The following PDE7B variants were observed in gnomAD, a reference collection of about 807,000 sequenced individuals.
The protein encoded by PDE7B is phosphodiesterase 7B.
A neutral mutation model predicts 56.2 loss-of-function variants in PDE7B; 29 were observed. The observed-to-expected ratio is 0.52, with a 90% CI of 0.38 to 0.70. The LOEUF is 0.70. Ranked by LOEUF, PDE7B falls within the 30% of genes least tolerant of loss-of-function variation. The probability of loss-of-function intolerance (pLI) is 0.00; values close to 1 mark genes in which losing one functional copy is unlikely to be tolerated. For missense variants in PDE7B, 490 were observed against 565.0 expected (o/e 0.87, Z 1.35); for synonymous variants, 197 against 196.9 (o/e 1.00, Z 0.00).
At chr6:136,033,797 C>A (rs1260866392) in intron 2 of PDE7B, among the ~76,000 whole-genome samples, 1 of 152,064 alleles carries the variant, frequency 6.6e-6, no homozygotes, top group Non-Finnish European at 1.5e-5. Flanking sequence ...TGTATAGAAC[C>A]AAGTTGAAAG....
intron 2 of PDE7B, among the ~76,000 whole-genome samples, chr6:135,952,874 G>C (rs1774725281): frequency 6.6e-6 from 1 of 152,088 alleles, no homozygotes; most frequent in South Asian, 2.1e-4. Context: ...GAGAGTTCTG[G>C]TCTCTTTTAT....
At chr6:136,108,125 CAA>C (rs60727586) in intron 2 of PDE7B, among the ~76,000 whole-genome samples, 6 of 108,650 alleles carry the variant, frequency 5.5e-5, no homozygotes, top group Non-Finnish European at 7.0e-5. Context: ...GACTCCATGT[CAA>C]AAAAAAAAAA....
chr6:136,148,400 GAAAGAAGGAAAGGAA>G (rs1309254658), intron 4 of PDE7B, among the ~76,000 whole-genome samples: 6 of 119,610 alleles, frequency 5.0e-5, no homozygotes, highest in South Asian at 6.0e-4. Flanking sequence ...GGAAAGGAAA[GAAAGAAGGAAAGGAA>G]AAAGAAGGAA....
intron 11 of PDE7B, among the ~76,000 whole-genome samples, chr6:136,184,295 A>T (rs1397755825): frequency 6.6e-6 from 1 of 152,342 alleles, no homozygotes; most frequent in South Asian, 2.1e-4. Flanking sequence ...TAAGTGAATG[A>T]ATAAATGATC....
At chr6:135,948,414 G>A (rs972801593) in intron 2 of PDE7B, among the ~76,000 whole-genome samples, 1 of 151,800 alleles carries the variant, frequency 6.6e-6, no homozygotes, top group Non-Finnish European at 1.5e-5. Flanking sequence ...ATTCATTTTA[G>A]CATTTTCTAT....
intron 3 of PDE7B, among the ~76,000 whole-genome samples, chr6:136,119,635 T>C (rs1777896053): frequency 6.6e-6 from 1 of 152,334 alleles, no homozygotes; most frequent in African/African-American, 2.4e-5. Context: ...TTATTCACAT[T>C]TGAACAGCAC....
chr6:136,156,519 C>A (rs897151417), intron 8 of PDE7B, among the ~76,000 whole-genome samples: 1 of 152,116 alleles, frequency 6.6e-6, no homozygotes, highest in Admixed American at 6.5e-5. Flanking sequence ...CGAGAAGGAT[C>A]TCTTTGATTA....
At chr6:135,969,774 C>T (rs1303092755) in intron 2 of PDE7B, among the ~76,000 whole-genome samples, 2 of 152,142 alleles carry the variant, frequency 1.3e-5, no homozygotes, top group Admixed American at 6.6e-5. Flanking sequence ...AATTAAAGAG[C>T]TTCTGCACAG....
At chr6:135,918,252 TATC>T (rs1773994858) in intron 1 of PDE7B, among the ~76,000 whole-genome samples, 2 of 152,174 alleles carry the variant, frequency 1.3e-5, no homozygotes, top group Admixed American at 1.3e-4. Context: ...GGAGGGCTCT[TATC>T]ATGGTATTCC....
At chr6:136,009,259 C>T (rs1703383934) in intron 2 of PDE7B, among the ~76,000 whole-genome samples, 1 of 151,814 alleles carries the variant, frequency 6.6e-6, no homozygotes, top group Non-Finnish European at 1.5e-5. Context: ...AGTTTGAAGT[C>T]AGGTAGCATG....
At chr6:136,108,142 AAG>A (rs1554280188) in intron 2 of PDE7B, among the ~76,000 whole-genome samples, 4 of 150,246 alleles carry the variant, frequency 2.7e-5, no homozygotes, top group African/African-American at 4.9e-5. Context: ...AAAAAAAAAA[AAG>A]AAAGAAATAT....
At chr6:136,030,313 C>G (rs4895462) in intron 2 of PDE7B, among the ~76,000 whole-genome samples, 13,799 of 152,272 alleles carry the variant, frequency 0.091, 1,070 homozygotes, top group African/African-American at 0.2. Context: ...GGTCTTCCAG[C>G]TGATTTCACA....
At chr6:136,151,084 C>G (rs1368887133) in intron 5 of PDE7B, 76 bp from the exon 6 acceptor site, 1 of 776,670 alleles carries the variant, frequency 1.3e-6, no homozygotes, top group African/African-American at 1.7e-5. Context: ...ATTACAGAGA[C>G]TTTAGGTCTT....
intron 1 of PDE7B, among the ~76,000 whole-genome samples, chr6:135,911,462 A>G (rs78410342): frequency 2.0e-5 from 3 of 152,194 alleles, no homozygotes; most frequent in Non-Finnish European, 4.4e-5. Context: ...CCATCTTTGA[A>G]CAAACTTTTA....
At chr6:135,856,425 C>T (rs1163497849) in intron 1 of PDE7B, among the ~76,000 whole-genome samples, 2 of 152,178 alleles carry the variant, frequency 1.3e-5, no homozygotes, top group East Asian at 1.9e-4. Context: ...AATATCTTCT[C>T]AATATTAATT....
intron 1 of PDE7B, among the ~76,000 whole-genome samples, chr6:135,922,815 G>C (rs569833520): frequency 6.6e-6 from 1 of 152,290 alleles, no homozygotes; most frequent in South Asian, 2.1e-4. Flanking sequence ...CCTATTAAGT[G>C]CTCAAGAAAA....
intron 2 of PDE7B, chr6:136,098,147 G>GAAAAAAAAA (rs1554279576): frequency 4.8e-4 from 30 of 62,936 alleles, no homozygotes; most frequent in African/African-American, 1.7e-3. Flanking sequence ...GGGGGGGGGG[G>GAAAAAAAAA]AAATATATGT....
At chr6:136,060,321 T>C (rs1321987040) in intron 2 of PDE7B, among the ~76,000 whole-genome samples, 1 of 152,200 alleles carries the variant, frequency 6.6e-6, no homozygotes, top group East Asian at 1.9e-4. Flanking sequence ...CTCCTTGTAC[T>C]TTCTCTTCCA....
chr6:136,134,632 T>C (rs1028059347), intron 3 of PDE7B, among the ~76,000 whole-genome samples: 1 of 142,698 alleles, frequency 7.0e-6, no homozygotes, highest in Non-Finnish European at 1.5e-5. Context: ...TTTAAAGCCT[T>C]TTTTCCCCTC....
Sources: gnomAD v4.1 joint callset for allele counts (sites outside exome capture counted in the v4.1 genomes callset) on GRCh38, gnomAD v4.1.1 for gene constraint, MANE v1.5 for transcripts, NCBI Gene and HGNC (gene_info 2026-07-23, HGNC 2026-07-21) for gene names.